The following ZNF177 variants were observed in gnomAD, a reference collection of about 807,000 sequenced individuals.
ZNF177 encodes the protein zinc finger protein 177.
In ZNF177, 17 loss-of-function variants were observed where a neutral mutation model predicts 19.4. The ratio of observed to expected loss-of-function variants is 0.87; its 90% confidence interval spans 0.60 to 1.31. The LOEUF is 1.31. Among genes scored for constraint, ZNF177 ranks in the 40% most tolerant of loss-of-function variants. The probability of loss-of-function intolerance (pLI) is 0.00; values close to 1 mark genes in which losing one functional copy is unlikely to be tolerated. For synonymous variants in ZNF177, 220 were observed against 188.7 expected (o/e 1.17, Z -1.36); for missense variants, 633 against 561.8 (o/e 1.13, Z -1.28).
At position 9,366,630 on chromosome 19, in the gene ZNF177, T is replaced by C. The variant is rs146033537; in HGVS notation, c.-305+1682T>C. ...TTTCATTTATCCGTTCATCGGTAGA[T>C]AGACATTTGGGTTGTTTCTCCTTTT... On this transcript the variant is annotated intron_variant, in intron 2 of 8. Transcript: ENST00000343499. Among the ~76,000 whole-genome samples, 402 of 152,342 alleles carry C rather than the reference T, an allele frequency of 2.6e-3. 2 individuals are homozygous for C. Among genetic ancestry groups the C allele is most frequent in the Non-Finnish European group, 4.5e-3 (304 of 68,026 alleles).
chr19:9,368,902 C>G (rs2068013273), intron 2 of ZNF177, among the ~76,000 whole-genome samples: 1 of 152,078 alleles, frequency 6.6e-6, no homozygotes, highest in African/African-American at 2.4e-5. Flanking sequence ...TATTAACTTA[C>G]AACTTAGTTA....
chr19:9,373,785 A>AT (rs1398287092), upstream of ZNF177, among the ~76,000 whole-genome samples: 3 of 151,428 alleles, frequency 2.0e-5, no homozygotes, highest in South Asian at 2.1e-4. Flanking sequence ...TTTTTATTCC[A>AT]TTTTTTTCTA....
At chr19:9,364,709 G>A (rs1368098487) in intron 1 of ZNF177, among the ~76,000 whole-genome samples, 153 bp from the exon 2 acceptor site, 2 of 152,154 alleles carry the variant, frequency 1.3e-5, no homozygotes, top group Admixed American at 6.5e-5. Context: ...GGGGTGTCTT[G>A]TACTTAGAAT....
chr19:9,377,258 G>A (rs1161698938), intron 1 of ZNF177, among the ~76,000 whole-genome samples: 1 of 152,100 alleles, frequency 6.6e-6, no homozygotes, highest in Non-Finnish European at 1.5e-5. Flanking sequence ...ATATGGTTAT[G>A]TACAGTAGAT....
intron 2 of ZNF177, among the ~76,000 whole-genome samples, chr19:9,369,074 C>T (rs1289107096): frequency 6.6e-6 from 1 of 152,032 alleles, no homozygotes; most frequent in Admixed American, 6.5e-5. Flanking sequence ...GTATATTCAC[C>T]ATACAGTATG....
exon 5 of ZNF177, chr19:9,380,115 A>G (rs199719927): frequency 6.2e-5 from 100 of 1,610,754 alleles, no homozygotes; most frequent in Non-Finnish European, 8.0e-5. Context: ...TTCCTGGGGG[A>G]AAAACATCCA....
chr19:9,363,536 A>G (rs564862548), intron 1 of ZNF177, among the ~76,000 whole-genome samples: 10 of 151,992 alleles, frequency 6.6e-5, no homozygotes, highest in Non-Finnish European at 1.2e-4. Context: ...TTGAGTTCCT[A>G]TCTGAGTGGG....
intron 3 of ZNF177, 132 bp downstream of exon 5, chr19:9,379,220 G>T: frequency 7.2e-7 from 1 of 1,390,406 alleles, no homozygotes; most frequent in South Asian, 1.7e-5. Context: ...GCCCTTGAGG[G>T]GGCAGTCCAG....
At chr19:9,372,773 C>G (rs978784211), upstream of ZNF177, among the ~76,000 whole-genome samples, 1 of 151,988 alleles carries the variant, frequency 6.6e-6, no homozygotes, top group Non-Finnish European at 1.5e-5. Flanking sequence ...CTTGAACCTC[C>G]TGACCTCAAG....
intron 2 of ZNF177, among the ~76,000 whole-genome samples, chr19:9,371,106 AT>A (rs1302608501): frequency 3.9e-5 from 6 of 152,222 alleles, no homozygotes; most frequent in African/African-American, 1.4e-4. Flanking sequence ...TTTAAAGCAA[AT>A]TCCAGACATC....
At chr19:9,366,401 T>C (rs2067980489) in intron 2 of ZNF177, among the ~76,000 whole-genome samples, 1 of 152,044 alleles carries the variant, frequency 6.6e-6, no homozygotes, top group African/African-American at 2.4e-5. Flanking sequence ...GGACCACAGG[T>C]GTGGGCCACC....
At chr19:9,375,683 C>A (rs2068100088), upstream of ZNF177, among the ~76,000 whole-genome samples, 1 of 152,086 alleles carries the variant, frequency 6.6e-6, no homozygotes, top group African/African-American at 2.4e-5. Context: ...CCTTCTCTTT[C>A]ATTTCTAGTT....
At chr19:9,381,727 A>G (rs1179397346) in exon 6 of ZNF177, 2 of 1,612,836 alleles carry the variant, frequency 1.2e-6, no homozygotes, top group Non-Finnish European at 1.7e-6. Context: ...CACAAGCACT[A>G]ACCTTATAAT....
exon 2 of ZNF177, chr19:9,378,278 T>G (rs1043330184): frequency 3.7e-6 from 6 of 1,613,012 alleles, no homozygotes; most frequent in African/African-American, 1.3e-5. Context: ...CTTAGGACTC[T>G]GCCCAGCCAG....
intron 2 of ZNF177, among the ~76,000 whole-genome samples, chr19:9,369,252 T>TA (rs1451685090): frequency 1.3e-5 from 2 of 152,112 alleles, no homozygotes; most frequent in African/African-American, 4.8e-5. Flanking sequence ...TTGAAAGTCT[T>TA]ATAGTGATGA....
At chr19:9,377,558 A>G (rs766531893) in intron 1 of ZNF177, among the ~76,000 whole-genome samples, 3 of 152,178 alleles carry the variant, frequency 2.0e-5, no homozygotes, top group Non-Finnish European at 2.9e-5. Context: ...GGCCTAGATT[A>G]ATGCGTATGT....
chr19:9,378,298 C>T, exon 2 of ZNF177: 1 of 1,613,630 alleles, frequency 6.2e-7, no homozygotes, highest in Non-Finnish European at 8.5e-7. Context: ...GGAAGGAAAC[C>T]TACAGGAGGA....
exon 6 of ZNF177, chr19:9,381,535 G>A: frequency 6.2e-7 from 1 of 1,614,166 alleles, no homozygotes; most frequent in Non-Finnish European, 8.5e-7. Context: ...TAACCAGTGT[G>A]GAAAGTCCTT....
At chr19:9,379,293 C>A in intron 3 of ZNF177, 1 of 1,085,254 alleles carries the variant, frequency 9.2e-7, no homozygotes, top group Non-Finnish European at 1.3e-6. Context: ...AGGTAATTTG[C>A]AATCTGTGTC....
Sources: gnomAD v4.1 joint callset for allele counts (sites outside exome capture counted in the v4.1 genomes callset) on GRCh38, gnomAD v4.1.1 for gene constraint, MANE v1.5 for transcripts, NCBI Gene and HGNC (gene_info 2026-07-23, HGNC 2026-07-21) for gene names.